UNC5C: variants seen among roughly 807,000 people sequenced by gnomAD.
UNC5C encodes unc-5 netrin receptor C.
A neutral mutation model predicts 99.8 loss-of-function variants in UNC5C; 47 were observed. The ratio of observed to expected loss-of-function variants is 0.47; its 90% CI spans 0.37 to 0.60. The LOEUF (loss-of-function observed/expected upper bound fraction) is 0.60. Among genes scored for constraint, UNC5C ranks in the 20% least tolerant of loss-of-function variants. The pLI is 0.00. For synonymous variants in UNC5C, 487 were observed against 452.2 expected (o/e 1.08, Z -0.98); for missense variants, 1,062 against 1,165.9 (o/e 0.91, Z 1.30).
chr4:95,196,431 A>G (rs1737386445), intron 12 of UNC5C, among the ~76,000 whole-genome samples: 1 of 152,104 alleles, frequency 6.6e-6, no homozygotes, highest in South Asian at 2.1e-4. Context: ...AAGCACATGC[A>G]CAGGAAAAAG....
chr4:95,179,127 T>TCAAA (rs1363071518), intron 14 of UNC5C, among the ~76,000 whole-genome samples: 1 of 152,210 alleles, frequency 6.6e-6, no homozygotes, highest in Non-Finnish European at 1.5e-5. Flanking sequence ...TCAACATTAG[T>TCAAA]CAAACAGCTG....
rs1188110945 is a variant in UNC5C, at chr4:95,301,652, G to T, written c.444C>A (p.Ser148Arg). Reference protein sequence around the residue: ...EDYWCQCVAWSSAGTTKSRKA... With the variant: ...EDYWCQCVAWRSAGTTKSRKA... ...TCCGGCTCTTTGTGGTACCCGCGGAGCTCCAGGCCACACACTGGCACCAGT... is the reference window on the plus strand; with the variant it reads ...TCCGGCTCTTTGTGGTACCCGCGGATCTCCAGGCCACACACTGGCACCAGT... The change falls in exon 3 of 16, where the codon AGC becomes AGA. Residue 148 changes from serine (S) to arginine (R), a missense_variant. Physicochemically the swap from Ser to Arg is moderately radical, Grantham distance 110 (BLOSUM62 -1). Around this residue, in one of 3 missense-constraint regions of UNC5C, gnomAD observed 249 missense variants for 295.1 expected, o/e 0.84. Transcript: ENST00000453304. 6.2e-7 allele frequency: 1 copy of T among 1,613,892 alleles called. No individual in the cohort carries two copies. The highest frequency in any genetic ancestry group is 8.5e-7 in the Non-Finnish European group (1 of 1,180,022).
intron 4 of UNC5C, among the ~76,000 whole-genome samples, chr4:95,261,578 T>C (rs549161984): frequency 4.6e-5 from 7 of 152,112 alleles, no homozygotes; most frequent in Admixed American, 4.6e-4. Context: ...TAAAGAGGAG[T>C]TCAGGGTGCT....
intron 1 of UNC5C, among the ~76,000 whole-genome samples, chr4:95,366,196 G>T (rs1403758474): frequency 6.6e-6 from 1 of 152,126 alleles, no homozygotes; most frequent in Non-Finnish European, 1.5e-5. Context: ...GAGTGCACTG[G>T]TGTGCACCTG....
chr4:95,246,965 T>C (rs1739524592), intron 5 of UNC5C, among the ~76,000 whole-genome samples: 1 of 151,548 alleles, frequency 6.6e-6, no homozygotes, highest in Non-Finnish European at 1.5e-5. Flanking sequence ...TCATTTGAAC[T>C]CAGGAGACAG....
chr4:95,218,472 T>C (rs939888336), intron 9 of UNC5C, among the ~76,000 whole-genome samples: 1 of 152,184 alleles, frequency 6.6e-6, no homozygotes, highest in Admixed American at 6.6e-5. Flanking sequence ...CTATCAATAC[T>C]GTGAGGTGAA....
At chr4:95,259,905 C>T (rs1001605875) in intron 4 of UNC5C, among the ~76,000 whole-genome samples, 2 of 151,906 alleles carry the variant, frequency 1.3e-5, no homozygotes, top group South Asian at 2.1e-4. Context: ...TTTCTTTTCT[C>T]CTAGTACTTC....
intron 14 of UNC5C, among the ~76,000 whole-genome samples, chr4:95,179,919 A>T (rs1408213975): frequency 4.0e-5 from 6 of 151,796 alleles, no homozygotes; most frequent in Non-Finnish European, 1.5e-5. Context: ...TTTAGTTTTC[A>T]TTTATTTATA....
At chr4:95,465,602 GA>G (rs1213691309) in intron 1 of UNC5C, among the ~76,000 whole-genome samples, 1 of 152,066 alleles carries the variant, frequency 6.6e-6, no homozygotes, top group African/African-American at 2.4e-5. Flanking sequence ...CTTTAAGGTA[GA>G]TTTGCCCATC....
At chr4:95,194,855 TTCTGTTTTCTC>T (rs973958188) in intron 12 of UNC5C, among the ~76,000 whole-genome samples, 1 of 152,210 alleles carries the variant, frequency 6.6e-6, no homozygotes, top group African/African-American at 2.4e-5. Flanking sequence ...TCTGTTTTCT[TTCTGTTTTCTC>T]TCTCTTTCAA....
At chr4:95,178,364 G>T (rs960707835) in intron 14 of UNC5C, among the ~76,000 whole-genome samples, 1 of 152,230 alleles carries the variant, frequency 6.6e-6, no homozygotes, top group African/African-American at 2.4e-5. Context: ...AGGCCTGGAG[G>T]TCTCCTCGGT....
intron 14 of UNC5C, 39 bp from the exon 15 acceptor site, chr4:95,170,371 G>C: frequency 6.2e-7 from 1 of 1,602,014 alleles, no homozygotes; most frequent in Non-Finnish European, 8.5e-7. Context: ...CATTATTTCT[G>C]AGGACAAAAG....
Position 95,167,907 on chromosome 4 carries a change from T to A in UNC5C, c.*1327A>T, listed in dbSNP as rs965823. On this transcript the variant is annotated 3_prime_UTR_variant, in exon 16 of 16. Coordinates refer to ENST00000453304, the MANE Select transcript of UNC5C (RefSeq NM_003728.4). ...CGGTGGAAGTTGAGCATTTCAGAAC[T>A]TGGAGATGATCTAATCCCACCCTTT... 0.45 allele frequency: 68,968 copies of A among 152,038 alleles called. 17,342 individuals are homozygous for A. The highest frequency in any genetic ancestry group is 0.59 in the Admixed American group (8,996 of 15,264). The allele number at this position is 152,038 out of a possible 1,614,324, so 9.4% of individuals were successfully genotyped here.
At chr4:95,338,128 C>T (rs1042393498) in intron 1 of UNC5C, among the ~76,000 whole-genome samples, 5 of 151,882 alleles carry the variant, frequency 3.3e-5, no homozygotes, top group African/African-American at 1.2e-4. Context: ...GTGGGCTCAC[C>T]CCTGTTGTGA....
intron 1 of UNC5C, among the ~76,000 whole-genome samples, chr4:95,354,478 T>C (rs1412049437): frequency 8.3e-6 from 1 of 120,368 alleles, no homozygotes; most frequent in African/African-American, 3.6e-5. Flanking sequence ...CATATATATA[T>C]ATTTTTTTTT....
At chr4:95,381,118 A>C (rs1391135514) in intron 1 of UNC5C, among the ~76,000 whole-genome samples, 2 of 152,206 alleles carry the variant, frequency 1.3e-5, no homozygotes, top group Non-Finnish European at 2.9e-5. Context: ...TTTGTTTTAG[A>C]AACATATACT....
intron 7 of UNC5C, among the ~76,000 whole-genome samples, chr4:95,233,395 A>G (rs931187894): frequency 3.9e-5 from 6 of 152,216 alleles, no homozygotes; most frequent in African/African-American, 1.2e-4. Context: ...GAACTGTTAA[A>G]AATCCCTATG....
At chr4:95,324,249 C>G (rs1244213739) in intron 2 of UNC5C, among the ~76,000 whole-genome samples, 1 of 152,056 alleles carries the variant, frequency 6.6e-6, no homozygotes, top group East Asian at 1.9e-4. Context: ...CTCATAGGAG[C>G]ACAAACCATA....
chr4:95,170,006 G>A, intron 15 of UNC5C, 148 bp downstream of exon 15: 1 of 1,007,344 alleles, frequency 9.9e-7, no homozygotes, highest in South Asian at 1.7e-5. Context: ...CAAGGTACAA[G>A]GACAGAGCTT....
Sources: allele counts gnomAD v4.1 joint callset (sites outside exome capture counted in the v4.1 genomes callset), GRCh38; gene constraint gnomAD v4.1.1; regional missense constraint gnomAD v4.1.1; transcripts MANE v1.5; gene names NCBI Gene and HGNC (gene_info 2026-07-23, HGNC 2026-07-21).